Variants in KDSR observed in about 807,000 individuals in gnomAD.
KDSR encodes the protein 3-dehydrosphinganine reductase.
In KDSR, 23 loss-of-function variants were observed where a neutral mutation model predicts 41.3. That is an observed-to-expected ratio of 0.56 (90% CI 0.40 to 0.79). KDSR has a LOEUF of 0.79. KDSR is among the 30% of genes least tolerant of loss of function. The pLI, the probability that KDSR is intolerant of heterozygous loss-of-function variation, is 0.00. For missense variants in KDSR, 351 were observed against 416.8 expected, an observed-to-expected ratio of 0.84 and a Z score of 1.37; for synonymous variants, 138 against 151.7, an observed-to-expected ratio of 0.91 and a Z score of 0.66.
Position 63,330,840 on chromosome 18 carries a change from C to T in KDSR, c.*942G>A, listed in dbSNP as rs532645370. On this transcript the variant is annotated 3_prime_UTR_variant, in exon 10 of 10. Coordinates refer to ENST00000645214, the MANE Select transcript of KDSR (RefSeq NM_002035.4). ...TTTTTTTTTTACAAAAATATTACAG[C>T]AGTATAAGCAAAATTGGAAAGGAAG... 2 of 218,688 alleles carry T rather than the reference C, an allele frequency of 9.1e-6. No homozygotes were observed. Among genetic ancestry groups the T allele is most frequent in the African/African-American group, 4.7e-5 (2 of 42,466 alleles). 13.5% of individuals were successfully genotyped at this position (218,688 alleles called of 1,614,324 possible). A position where few individuals can be genotyped will look rare whatever the true frequency, so the allele number is the denominator to read the frequency against.
At chr18:63,365,051 C>A (rs57180153) in intron 1 of KDSR, among the ~76,000 whole-genome samples, 2,231 of 152,270 alleles carry the variant, frequency 0.015, 44 homozygotes, top group African/African-American at 0.052. Flanking sequence ...CATAGGCATC[C>A]CTTACTTCTT....
At chr18:63,345,291 C>G (rs181920659) in intron 6 of KDSR, 1 of 152,538 alleles carries the variant, frequency 6.6e-6, no homozygotes, top group African/African-American at 2.4e-5. Flanking sequence ...TGTGCCTCAC[C>G]ACCATGCCTG....
intron 9 of KDSR, among the ~76,000 whole-genome samples, chr18:63,333,205 C>T (rs1384633724): frequency 6.6e-6 from 1 of 152,076 alleles, no homozygotes; most frequent in Non-Finnish European, 1.5e-5. Context: ...AGAAGTCTCC[C>T]AGTTGCTAGG....
chr18:63,340,366 G>A (rs1349920374), intron 7 of KDSR, among the ~76,000 whole-genome samples: 1 of 152,208 alleles, frequency 6.6e-6, no homozygotes, highest in Admixed American at 6.5e-5. Flanking sequence ...AAGAATAGGG[G>A]GAAAAAACCT....
At chr18:63,350,224 A>C (rs1914626076) in intron 6 of KDSR, among the ~76,000 whole-genome samples, 1 of 152,230 alleles carries the variant, frequency 6.6e-6, no homozygotes, top group South Asian at 2.1e-4. Flanking sequence ...AGTCGGCTTC[A>C]AGCAGCTGAG....
At chr18:63,364,600 C>G (rs972474781) in intron 1 of KDSR, among the ~76,000 whole-genome samples, 1 of 152,092 alleles carries the variant, frequency 6.6e-6, no homozygotes, top group East Asian at 1.9e-4. Context: ...TGCGCCAGCA[C>G]GCCCAACTAA....
At chr18:63,351,183 T>C (rs1474540311) in intron 5 of KDSR, 104 bp from the exon 6 acceptor site, 2 of 906,974 alleles carry the variant, frequency 2.2e-6, no homozygotes, top group Non-Finnish European at 3.3e-6. Flanking sequence ...CAAGCTCAAG[T>C]GACTGGGAAG....
chr18:63,335,429 GA>G (rs914695125), intron 8 of KDSR, 71 bp from the exon 9 acceptor site: 2 of 1,019,280 alleles, frequency 2.0e-6, no homozygotes, highest in African/African-American at 3.1e-5. Flanking sequence ...GGACACATCA[GA>G]AACAGTGGAG....
chr18:63,328,804 AT>A lies in KDSR; in HGVS notation c.*2977del. The A allele has an allele frequency of 5.4e-6, 1 of 185,368 alleles. No individual in the cohort carries two copies. Among genetic ancestry groups the A allele is most frequent in the Non-Finnish European group, 1.1e-5 (1 of 87,502 alleles). 11.5% of individuals were successfully genotyped at this position (185,368 alleles called of 1,614,324 possible). Reference sequence around the variant, plus strand: ...TGGGGATTTTTATGGCTCAATGTTAATTTTTTAATATACTTGCAAATACATT... The same window carrying A: ...TGGGGATTTTTATGGCTCAATGTTAATTTTTAATATACTTGCAAATACATT... On this transcript the variant is annotated 3_prime_UTR_variant, in exon 10 of 10. Transcript: ENST00000645214.
At position 63,327,964 on chromosome 18, in the gene KDSR, C is replaced by G; in HGVS notation, c.*3818G>C. On this transcript the variant is annotated 3_prime_UTR_variant, in exon 10 of 10. Coordinates refer to ENST00000645214, the MANE Select transcript of KDSR (RefSeq NM_002035.4). ...CTTCAAAATTGCAAATCCACAGTTA[C>G]TGCACTGAAGTATAATCCGAAGAGC... 1 of 203,184 alleles carries G rather than the reference C, an allele frequency of 4.9e-6. No homozygotes were observed. Among genetic ancestry groups the G allele is most frequent in the African/African-American group, 2.3e-5 (1 of 43,688 alleles). 12.6% of individuals were successfully genotyped at this position (203,184 alleles called of 1,614,324 possible).
intron 6 of KDSR, among the ~76,000 whole-genome samples, chr18:63,347,589 G>A (rs183391249): frequency 3.0e-4 from 46 of 152,028 alleles, no homozygotes; most frequent in African/African-American, 1.1e-3. Context: ...CAAAGACAGG[G>A]GATGCTGGAA....
chr18:63,365,275 G>A lies in KDSR; in HGVS notation c.108+1736C>T, dbSNP rs1430743380. 2.0e-5 allele frequency among the ~76,000 whole-genome samples: 3 copies of A among 152,192 alleles called. No individual in the cohort carries two copies. The East Asian group carries it at 5.8e-4, about 29-fold the overall frequency. On this transcript the variant is annotated intron_variant, in intron 1 of 9. Coordinates refer to ENST00000645214, the MANE Select transcript of KDSR (RefSeq NM_002035.4). ...ATAGAAAACACTAGTATATAAAATT[G>A]TTTTAAAAATGAAACAATTGTTATA...
Position 63,331,915 on chromosome 18 carries a change from A to G in KDSR, c.880-14T>C. 1 of 1,612,726 alleles carries G rather than the reference A, an allele frequency of 6.2e-7. No homozygotes were observed. The highest frequency in any genetic ancestry group is 2.2e-5 in the East Asian group (1 of 44,878). ...CATGGTGACCACCTGCAAGATAAAG[A>G]GAGAGCTTTTAGTGCATCCAACGGT... On this transcript the variant is annotated splice_polypyrimidine_tract_variant and intron_variant, in intron 9 of 9. Coordinates refer to ENST00000645214, the MANE Select transcript of KDSR (RefSeq NM_002035.4).
chr18:63,353,074 G>C (rs940913251), intron 5 of KDSR, among the ~76,000 whole-genome samples: 1 of 151,684 alleles, frequency 6.6e-6, no homozygotes, highest in Non-Finnish European at 1.5e-5. Context: ...CCAGCTACTC[G>C]GGAGGCTGAG....
chr18:63,354,862 G>A (rs1914753948), intron 5 of KDSR, among the ~76,000 whole-genome samples: 1 of 152,104 alleles, frequency 6.6e-6, no homozygotes, highest in Non-Finnish European at 1.5e-5. Context: ...TAATAATACT[G>A]ATGTTTGATA....
intron 6 of KDSR, 115 bp from the exon 7 acceptor site, chr18:63,344,608 T>C: frequency 1.5e-6 from 1 of 676,850 alleles, no homozygotes; most frequent in East Asian, 2.7e-5. Flanking sequence ...AATGGGGTGA[T>C]TCTGTTAGGC....
At chr18:63,340,738 C>A (rs1388002498) in intron 7 of KDSR, among the ~76,000 whole-genome samples, 1 of 152,228 alleles carries the variant, frequency 6.6e-6, no homozygotes, top group East Asian at 1.9e-4. Context: ...AGACTCAAAT[C>A]ATCAGACCCC....
chr18:63,359,953 T>G (rs778716069), intron 2 of KDSR, among the ~76,000 whole-genome samples, 161 bp from the exon 3 acceptor site: 1 of 152,216 alleles, frequency 6.6e-6, no homozygotes, highest in Non-Finnish European at 1.5e-5. Context: ...GGCCACAGCC[T>G]ATGAAAGAAA....
At position 63,351,133 on chromosome 18, in the gene KDSR, G is replaced by A. The variant is rs969853309; in HGVS notation, c.418-54C>T. ...TCAAAAGCCTCAAGGCTGTGCACAT[G>A]GAGAATTTAGTCTGCTTTCTGGATT... On this transcript the variant is annotated intron_variant, in intron 5 of 9. Transcript: ENST00000645214. The A allele has an allele frequency of 4.3e-6, 6 of 1,408,874 alleles. No homozygotes were observed. The African/African-American group carries it at 8.7e-5, about 20-fold the overall frequency. 87.3% of individuals were successfully genotyped at this position (1,408,874 alleles called of 1,614,324 possible). A position where few individuals can be genotyped will look rare whatever the true frequency, so the allele number is the denominator to read the frequency against.
Sources: allele counts gnomAD v4.1 joint callset (sites outside exome capture counted in the v4.1 genomes callset), GRCh38; gene constraint gnomAD v4.1.1; transcripts MANE v1.5; gene names NCBI Gene and HGNC (gene_info 2026-07-23, HGNC 2026-07-21).